SLC24A2: variants seen among roughly 807,000 people sequenced by gnomAD.
The protein encoded by SLC24A2 is solute carrier family 24 member 2.
Under a neutral mutation model 62.0 loss-of-function variants are expected in SLC24A2, and 36 were observed. The observed-to-expected ratio is 0.58, with a 90% CI of 0.44 to 0.77. The LOEUF is 0.77. Among genes scored for constraint, SLC24A2 ranks in the 30% least tolerant of loss-of-function variants. The pLI is 0.00. For synonymous variants in SLC24A2, 358 were observed against 294.0 expected (o/e 1.22, Z -2.23); for missense variants, 846 against 817.9 (o/e 1.03, Z -0.42).
the SLC24A2 span, among the ~76,000 whole-genome samples, chr9:20,106,430 G>C: frequency 1.6e-4 from 24 of 152,140 alleles, 1 homozygote; most frequent in South Asian, 3.5e-3. Flanking sequence ...CTTGATGAAC[G>C]TTGATGCAAA....
chr9:20,165,611 T>C, the SLC24A2 span, among the ~76,000 whole-genome samples: 1 of 151,832 alleles, frequency 6.6e-6, no homozygotes, highest in Non-Finnish European at 1.5e-5. Flanking sequence ...AATACAACCA[T>C]TGCCCCCACC....
At chr9:19,722,947 T>A (rs955114783) in intron 2 of SLC24A2, among the ~76,000 whole-genome samples, 1 of 152,140 alleles carries the variant, frequency 6.6e-6, no homozygotes, top group African/African-American at 2.4e-5. Context: ...CTTGTCCTAA[T>A]AGAATCTGGA....
intron 2 of SLC24A2, among the ~76,000 whole-genome samples, chr9:19,680,529 C>CT: frequency 1.6e-5 from 1 of 62,766 alleles, no homozygotes; most frequent in Non-Finnish European, 5.2e-5. Flanking sequence ...AACTTTCGCT[C>CT]ATTAAAATGG....
At chr9:19,983,478 A>T in the SLC24A2 span, among the ~76,000 whole-genome samples, 1 of 152,110 alleles carries the variant, frequency 6.6e-6, no homozygotes, top group Non-Finnish European at 1.5e-5. Flanking sequence ...CCCCGTCTCT[A>T]CTAAAAACAC....
chr9:19,541,438 G>A (rs1834249047), intron 8 of SLC24A2, among the ~76,000 whole-genome samples: 1 of 152,008 alleles, frequency 6.6e-6, no homozygotes, highest in Admixed American at 6.6e-5. Context: ...AGGACCGTCA[G>A]CTGCAGGTCT....
the SLC24A2 span, among the ~76,000 whole-genome samples, chr9:19,846,492 G>C: frequency 6.6e-6 from 1 of 152,186 alleles, no homozygotes; most frequent in Admixed American, 6.5e-5. Flanking sequence ...AATTACTTGT[G>C]AGGTGGGTCT....
chr9:20,035,125 G>A, the SLC24A2 span, among the ~76,000 whole-genome samples: 1 of 152,034 alleles, frequency 6.6e-6, no homozygotes, highest in African/African-American at 2.4e-5. Flanking sequence ...GAAGACTAGG[G>A]CTGAGTCCTA....
chr9:19,789,519 G>A (rs1456895090), upstream of SLC24A2, among the ~76,000 whole-genome samples: 1 of 152,236 alleles, frequency 6.6e-6, no homozygotes, highest in Non-Finnish European at 1.5e-5. Flanking sequence ...GGACACTGCA[G>A]GGGCTTCAGT....
the SLC24A2 span, among the ~76,000 whole-genome samples, chr9:19,956,815 G>T: frequency 6.6e-6 from 1 of 152,162 alleles, no homozygotes; most frequent in Non-Finnish European, 1.5e-5. Context: ...AACCATATCA[G>T]TCATGAAGGC....
At chr9:19,946,983 T>C in the SLC24A2 span, among the ~76,000 whole-genome samples, 3 of 152,224 alleles carry the variant, frequency 2.0e-5, no homozygotes, top group East Asian at 5.8e-4. Flanking sequence ...GGTTTCTAGG[T>C]TGTCATAAAA....
the SLC24A2 span, among the ~76,000 whole-genome samples, chr9:19,910,289 C>T: frequency 6.6e-6 from 1 of 152,110 alleles, no homozygotes; most frequent in Non-Finnish European, 1.5e-5. Context: ...CCAAATCCAG[C>T]TGATATGATC....
intron 4 of SLC24A2, among the ~76,000 whole-genome samples, chr9:19,598,906 TCTTC>T (rs1338768731): frequency 5.3e-5 from 8 of 152,228 alleles, no homozygotes; most frequent in Non-Finnish European, 8.8e-5. Context: ...TTGTGACCTC[TCTTC>T]CTTCCCTGAG....
At chr9:20,027,041 A>G in the SLC24A2 span, among the ~76,000 whole-genome samples, 6 of 152,112 alleles carry the variant, frequency 3.9e-5, no homozygotes, top group African/African-American at 1.4e-4. Flanking sequence ...AGACATACAT[A>G]TGGCCAACAT....
At chr9:20,261,640 C>A in the SLC24A2 span, among the ~76,000 whole-genome samples, 1 of 150,762 alleles carries the variant, frequency 6.6e-6, no homozygotes, top group Non-Finnish European at 1.5e-5. Context: ...ACAGTACTAT[C>A]ATAACTGTAT....
chr9:19,801,710 G>A, the SLC24A2 span, among the ~76,000 whole-genome samples: 7 of 152,184 alleles, frequency 4.6e-5, no homozygotes, highest in East Asian at 1.2e-3. Flanking sequence ...CTGGTCAGGT[G>A]TGAGCTAAGT....
At chr9:19,942,167 A>G in the SLC24A2 span, among the ~76,000 whole-genome samples, 1 of 152,174 alleles carries the variant, frequency 6.6e-6, no homozygotes, top group African/African-American at 2.4e-5. Flanking sequence ...AGTAAGAGTA[A>G]ATATCTTGTT....
chr9:20,105,237 A>T, the SLC24A2 span, among the ~76,000 whole-genome samples: 1 of 152,194 alleles, frequency 6.6e-6, no homozygotes, highest in African/African-American at 2.4e-5. Flanking sequence ...AGACTCCCAC[A>T]CAATAATAAT....
chr9:20,004,840 T>C, the SLC24A2 span, among the ~76,000 whole-genome samples: 2 of 152,168 alleles, frequency 1.3e-5, no homozygotes, highest in Non-Finnish European at 1.5e-5. Context: ...TGGGATTTCA[T>C]AATTGAACCT....
chr9:19,996,419 A>G, the SLC24A2 span, among the ~76,000 whole-genome samples: 6 of 152,142 alleles, frequency 3.9e-5, no homozygotes, highest in Admixed American at 3.3e-4. Flanking sequence ...ATATGAATAC[A>G]TCACATTCAT....
Sources: allele counts gnomAD v4.1 joint callset (sites outside exome capture counted in the v4.1 genomes callset), GRCh38; gene constraint gnomAD v4.1.1; transcripts MANE v1.5; gene names NCBI Gene and HGNC (gene_info 2026-07-23, HGNC 2026-07-21).